The following TAFA5 variants were observed in gnomAD, a reference collection of about 807,000 sequenced individuals.
TAFA5 encodes chemokine-like protein TAFA-5.
TAFA5 carries 6 observed loss-of-function variants against 15.3 expected under a neutral mutation model. That is an observed-to-expected ratio of 0.39 (90% confidence interval 0.21 to 0.77). The LOEUF (loss-of-function observed/expected upper bound fraction) is 0.77. Ranked by LOEUF, TAFA5 falls within the 30% of genes least tolerant of loss-of-function variation. TAFA5 has a pLI of 0.41. For missense variants in TAFA5, 161 were observed against 193.1 expected, an observed-to-expected ratio of 0.83 and a Z score of 0.98; for synonymous variants, 103 against 80.7, an observed-to-expected ratio of 1.28 and a Z score of -1.48.
chr22:48,576,700 G>A (rs1923821474), intron 1 of TAFA5: 2 of 1,127,736 alleles, frequency 1.8e-6, no homozygotes. Flanking sequence ...GAGCGCCACT[G>A]CGGGCCCGGA....
intron 1 of TAFA5, among the ~76,000 whole-genome samples, chr22:48,584,099 ACACACACAC>A (rs1482785783): frequency 2.0e-5 from 3 of 147,178 alleles, no homozygotes; most frequent in East Asian, 2.1e-4. Flanking sequence ...AATATATCAC[ACACACACAC>A]CACACACACA....
chr22:48,623,337 T>C (rs9617473), intron 1 of TAFA5, among the ~76,000 whole-genome samples: 23,237 of 42,060 alleles, frequency 0.55, 9,901 homozygotes, highest in African/African-American at 0.66. Context: ...TGGCCCTGCG[T>C]GGTGACCTGT....
intron 3 of TAFA5, among the ~76,000 whole-genome samples, chr22:48,713,768 T>A (rs1929324100): frequency 6.6e-6 from 1 of 152,208 alleles, no homozygotes; most frequent in South Asian, 2.1e-4. Flanking sequence ...ACCAGGATCC[T>A]TGCCCCTGAG....
chr22:48,533,980 A>G (rs908025552), intron 1 of TAFA5, among the ~76,000 whole-genome samples: 8 of 151,916 alleles, frequency 5.3e-5, no homozygotes, highest in Admixed American at 2.0e-4. Flanking sequence ...GTTAGCAAGG[A>G]CCCCTTAGCA....
chr22:48,666,026 A>T (rs1601655528), intron 2 of TAFA5, among the ~76,000 whole-genome samples: 1 of 72,868 alleles, frequency 1.4e-5, no homozygotes, highest in Non-Finnish European at 2.7e-5. Context: ...GCCTGGCTCC[A>T]GGAGGGTGGG....
chr22:48,612,966 T>C (rs1569047721), intron 1 of TAFA5, among the ~76,000 whole-genome samples: 2 of 152,120 alleles, frequency 1.3e-5, no homozygotes. Flanking sequence ...GAGTTTTGAA[T>C]GTGAGCATGT....
chr22:48,665,933 C>T (rs1012783886), intron 2 of TAFA5, among the ~76,000 whole-genome samples: 1 of 152,170 alleles, frequency 6.6e-6, no homozygotes, highest in African/African-American at 2.4e-5. Flanking sequence ...TGCTCCCCAC[C>T]TGCCCCCAAC....
intron 1 of TAFA5, among the ~76,000 whole-genome samples, chr22:48,504,014 TG>T (rs1389169350): frequency 4.6e-5 from 7 of 152,324 alleles, no homozygotes; most frequent in African/African-American, 1.4e-4. Flanking sequence ...CTCTGTATCA[TG>T]CCTAACCCAG....
rs528300443 is a variant in TAFA5, at chr22:48,560,090, C to T, written c.112+70386C>T. On this transcript the variant is annotated intron_variant, in intron 1 of 3. Coordinates refer to ENST00000402357, the MANE Select transcript of TAFA5 (RefSeq NM_001082967.3). This position sits in a 1 kb window ranked among gnomAD's most constrained non-coding sequence, Gnocchi z 4.2. ...GCTGCCCTGGCCACCGATGCCTTCG[C>T]AGCATAGGATTTGGGGACCTCCACG... Among the ~76,000 whole-genome samples the T allele has an allele frequency of 6.6e-6, 1 of 152,192 alleles. No homozygotes were observed. Among genetic ancestry groups the T allele is most frequent in the Non-Finnish European group, 1.5e-5 (1 of 68,034 alleles).
At chr22:48,589,691 A>C (rs1488276178) in intron 1 of TAFA5, among the ~76,000 whole-genome samples, 1 of 144,866 alleles carries the variant, frequency 6.9e-6, no homozygotes, top group Non-Finnish European at 1.5e-5. Context: ...AAGAGAAGAG[A>C]AGCAAACAGA....
intron 2 of TAFA5, among the ~76,000 whole-genome samples, chr22:48,683,702 A>G (rs1358106818): frequency 4.6e-5 from 7 of 152,212 alleles, no homozygotes; most frequent in African/African-American, 1.7e-4. Flanking sequence ...CAAACTTGTC[A>G]TTGGCAATAC....
At chr22:48,571,139 T>C (rs1923566846) in intron 1 of TAFA5, among the ~76,000 whole-genome samples, 1 of 152,210 alleles carries the variant, frequency 6.6e-6, no homozygotes, top group South Asian at 2.1e-4. Flanking sequence ...TATAAAATTC[T>C]AGGTCTTCTA....
chr22:48,704,957 G>T lies in TAFA5; in HGVS notation c.263-2760G>T, dbSNP rs147736607. Among the ~76,000 whole-genome samples, 782 of 152,142 alleles carry T rather than the reference G, an allele frequency of 5.1e-3. 2 individuals are homozygous for T. Among genetic ancestry groups the T allele is most frequent in the Non-Finnish European group, 7.4e-3 (504 of 68,014 alleles). On this transcript the variant is annotated intron_variant, in intron 2 of 3. Coordinates refer to ENST00000402357, the MANE Select transcript of TAFA5 (RefSeq NM_001082967.3). The stretch of plus-strand genomic sequence containing the variant: ...CTTGCTGTGTCCTGAGATGGTGCAG[G>T]GGGCTGGGGAGGGGAGAGAGAGAGA...
intron 2 of TAFA5, among the ~76,000 whole-genome samples, chr22:48,675,746 C>T (rs1316194638): frequency 6.6e-6 from 1 of 152,274 alleles, no homozygotes; most frequent in Non-Finnish European, 1.5e-5. Flanking sequence ...CGCCTGCTGG[C>T]TGAGGCCTGA....
intron 3 of TAFA5, among the ~76,000 whole-genome samples, chr22:48,748,953 C>T (rs752686444): frequency 5.3e-5 from 8 of 152,082 alleles, no homozygotes; most frequent in Non-Finnish European, 1.2e-4. Context: ...TGGCCAAGGT[C>T]GGTTCAAGGG....
At chr22:48,579,704 A>G (rs939979492) in intron 1 of TAFA5, among the ~76,000 whole-genome samples, 6 of 152,294 alleles carry the variant, frequency 3.9e-5, no homozygotes, top group Middle Eastern at 3.4e-3. Flanking sequence ...GGACTCCAGC[A>G]CTCCAGCACA....
chr22:48,532,799 C>T (rs1208028923), intron 1 of TAFA5, among the ~76,000 whole-genome samples: 1 of 152,176 alleles, frequency 6.6e-6, no homozygotes, highest in Admixed American at 6.5e-5. Flanking sequence ...GGTGCCCCTG[C>T]CCCGGCTCCC....
At position 48,702,739 on chromosome 22, in the gene TAFA5, G is replaced by A. The variant is rs1057167049; in HGVS notation, c.263-4978G>A. On this transcript the variant is annotated intron_variant, in intron 2 of 3. Coordinates refer to ENST00000402357, the MANE Select transcript of TAFA5 (RefSeq NM_001082967.3). ...GAGCTATTGCAACATTGCGACCAGA[G>A]GGGAGGCCTCCTCACCCGAGCCCGG... Among the ~76,000 whole-genome samples the A allele has an allele frequency of 4.6e-5, 7 of 152,342 alleles. No homozygotes were observed. In the South Asian group the frequency reaches 1.5e-3, roughly 32 times the overall value.
chr22:48,636,146 C>T (rs1569057863), intron 1 of TAFA5, among the ~76,000 whole-genome samples: 1 of 152,232 alleles, frequency 6.6e-6, no homozygotes, highest in African/African-American at 2.4e-5. Context: ...AGTGGGGACA[C>T]AGGGAGGTGT....
Sources: gnomAD v4.1 joint callset for allele counts (sites outside exome capture counted in the v4.1 genomes callset) on GRCh38, gnomAD v4.1.1 for gene constraint, Gnocchi (gnomAD v3.1) non-coding constraint, MANE v1.5 for transcripts, NCBI Gene and HGNC (gene_info 2026-07-23, HGNC 2026-07-21) for gene names.